The following FOXJ3 variants were observed in gnomAD, a reference collection of about 807,000 sequenced individuals.
FOXJ3 encodes forkhead box J3.
A neutral mutation model predicts 76.1 loss-of-function variants in FOXJ3; 22 were observed. That is an observed-to-expected ratio of 0.29 (90% confidence interval 0.21 to 0.41). FOXJ3 has a LOEUF of 0.41. Ranked by LOEUF, FOXJ3 falls within the 10% of genes least tolerant of loss-of-function variation. The pLI, the probability that FOXJ3 is intolerant of heterozygous loss-of-function variation, is 1.00. For synonymous variants in FOXJ3, 269 were observed against 261.2 expected, an observed-to-expected ratio of 1.03 and a Z score of -0.29; for missense variants, 613 against 762.1, an observed-to-expected ratio of 0.80 and a Z score of 2.30.
At chr1:42,221,959 A>C (rs1647195671) in intron 5 of FOXJ3, among the ~76,000 whole-genome samples, 1 of 76,070 alleles carries the variant, frequency 1.3e-5, no homozygotes, top group Non-Finnish European at 2.6e-5. Flanking sequence ...TTAAAAAAAA[A>C]AAAAAAAGAA....
At chr1:42,273,674 C>A (rs1420839726) in intron 3 of FOXJ3, among the ~76,000 whole-genome samples, 58 of 86,268 alleles carry the variant, frequency 6.7e-4, no homozygotes, top group South Asian at 1.3e-3. Flanking sequence ...CACTCCATCT[C>A]AAAAAAAAAA....
chr1:42,280,969 A>G (rs1218416467), intron 2 of FOXJ3, among the ~76,000 whole-genome samples: 2 of 152,194 alleles, frequency 1.3e-5, no homozygotes, highest in African/African-American at 4.8e-5. Flanking sequence ...TATTTTGTTC[A>G]AATTCCCAAA....
At chr1:42,283,195 G>C (rs1433353845) in intron 2 of FOXJ3, among the ~76,000 whole-genome samples, 1 of 152,132 alleles carries the variant, frequency 6.6e-6, no homozygotes, top group Non-Finnish European at 1.5e-5. Flanking sequence ...TGTTACCTGT[G>C]GGAGAAAGCA....
intron 5 of FOXJ3, among the ~76,000 whole-genome samples, chr1:42,211,740 A>G (rs1158752297): frequency 6.6e-6 from 1 of 152,224 alleles, no homozygotes; most frequent in South Asian, 2.1e-4. Context: ...CACATCCAGC[A>G]CAATGCTACT....
In FOXJ3 at chr1:42,234,336, T is replaced by C. The variant is rs535041102; in HGVS notation, c.445-6370A>G. Among the ~76,000 whole-genome samples the C allele has an allele frequency of 7.9e-5, 12 of 152,308 alleles. No homozygotes were observed. The East Asian group carries it at 2.3e-3, about 29-fold the overall frequency. On this transcript the variant is annotated intron_variant, in intron 4 of 12. Transcript: ENST00000361346. ...TTCAAGGTTTTTAACTTCTTTGCCA[T>C]GGGTTCGAGCTTCCTCCTTTAGCTC...
intron 5 of FOXJ3, among the ~76,000 whole-genome samples, chr1:42,224,357 T>C (rs761707794): frequency 2.0e-5 from 3 of 152,020 alleles, no homozygotes; most frequent in Non-Finnish European, 4.4e-5. Flanking sequence ...AGAAATATAA[T>C]AATAACAGAA....
intron 5 of FOXJ3, among the ~76,000 whole-genome samples, chr1:42,223,611 T>C (rs1647318414): frequency 6.6e-6 from 1 of 152,230 alleles, no homozygotes; most frequent in Non-Finnish European, 1.5e-5. Context: ...CTCATTCCTC[T>C]TCCTTAGAGG....
chr1:42,199,073 A>G (rs199624703), intron 7 of FOXJ3, 29 bp downstream of exon 7: 10 of 1,582,820 alleles, frequency 6.3e-6, no homozygotes, highest in South Asian at 3.3e-5. Flanking sequence ...ATGAATAACT[A>G]TTAACATGTT....
At chr1:42,213,255 A>C (rs1465076329) in intron 5 of FOXJ3, among the ~76,000 whole-genome samples, 1 of 152,152 alleles carries the variant, frequency 6.6e-6, no homozygotes, top group Admixed American at 6.5e-5. Context: ...ACATGGTCTA[A>C]ATGTTCCACT....
chr1:42,302,306 A>T (rs1218466679), intron 2 of FOXJ3, among the ~76,000 whole-genome samples: 3 of 152,256 alleles, frequency 2.0e-5, no homozygotes, highest in African/African-American at 7.2e-5. Flanking sequence ...AGCTGAAGCC[A>T]TTGTAGATGG....
rs1557649412 is a variant in FOXJ3, at chr1:42,222,029, G to GAGAA, written c.528+5853_528+5854insTTCT. On this transcript the variant is annotated intron_variant, in intron 5 of 12. Coordinates refer to ENST00000361346, the MANE Select transcript of FOXJ3 (RefSeq NM_014947.5). The stretch of plus-strand genomic sequence containing the variant: ...GAGGAGGAGAAGGAGAAGGGGGAGG[G>GAGAA]GGAGGAGAAGGAGAAGGAGAAGAAG... Among the ~76,000 whole-genome samples the GAGAA allele has an allele frequency of 7.0e-3, 27 of 3,848 alleles. 6 individuals carry two copies. The highest frequency in any genetic ancestry group is 0.017 in the African/African-American group (18 of 1,076). 2.5% of individuals were successfully genotyped at this position (3,848 alleles called of 152,430 possible). A position where few individuals can be genotyped will look rare whatever the true frequency, so the allele number is the denominator to read the frequency against.
chr1:42,213,076 A>G (rs1646998386), intron 5 of FOXJ3, among the ~76,000 whole-genome samples: 1 of 152,162 alleles, frequency 6.6e-6, no homozygotes, highest in East Asian at 1.9e-4. Context: ...AGAAATGCTA[A>G]AAGGAGTTCT....
At chr1:42,199,940 C>T (rs1042089224) in intron 6 of FOXJ3, among the ~76,000 whole-genome samples, 21 of 135,070 alleles carry the variant, frequency 1.6e-4, no homozygotes, top group African/African-American at 4.9e-4. Context: ...GAAAACTAGC[C>T]TATTTGCAGT....
At chr1:42,318,610 G>C (rs992817933) in intron 1 of FOXJ3, among the ~76,000 whole-genome samples, 1 of 152,124 alleles carries the variant, frequency 6.6e-6, no homozygotes, top group Non-Finnish European at 1.5e-5. Context: ...CTCCCAAAGT[G>C]CTAGGATTAC....
intron 4 of FOXJ3, among the ~76,000 whole-genome samples, chr1:42,237,911 T>TACACAC (rs60804378): frequency 0.029 from 4,394 of 150,686 alleles, 84 homozygotes; most frequent in South Asian, 0.077. Flanking sequence ...TCTATCAAAA[T>TACACAC]ACACACACAC....
intron 7 of FOXJ3, among the ~76,000 whole-genome samples, chr1:42,197,967 T>C (rs1646685075): frequency 6.6e-6 from 1 of 152,192 alleles, no homozygotes; most frequent in South Asian, 2.1e-4. Context: ...ACCTTTTTTT[T>C]TTAATTGTTT....
chr1:42,301,418 T>A (rs1654142371), intron 2 of FOXJ3, among the ~76,000 whole-genome samples: 1 of 152,076 alleles, frequency 6.6e-6, no homozygotes, highest in East Asian at 1.9e-4. Context: ...GCCAGGCTGG[T>A]CTCGAACTCC....
At chr1:42,295,213 C>T (rs558441627) in intron 2 of FOXJ3, among the ~76,000 whole-genome samples, 1 of 152,256 alleles carries the variant, frequency 6.6e-6, no homozygotes, top group Non-Finnish European at 1.5e-5. Context: ...ATCCTCCTCC[C>T]ACCCTCCCCC....
At chr1:42,310,811 TACC>T (rs1216583679) in intron 2 of FOXJ3, among the ~76,000 whole-genome samples, 1 of 152,172 alleles carries the variant, frequency 6.6e-6, no homozygotes, top group Admixed American at 6.5e-5. Context: ...ATTTACAAAT[TACC>T]ACCACACTAT....
Sources: gnomAD v4.1 joint callset for allele counts (sites outside exome capture counted in the v4.1 genomes callset) on GRCh38, gnomAD v4.1.1 for gene constraint, MANE v1.5 for transcripts, NCBI Gene and HGNC (gene_info 2026-07-23, HGNC 2026-07-21) for gene names.